ATRNL1: variants seen among roughly 807,000 people sequenced by gnomAD.
ATRNL1 encodes the protein attractin-like protein 1.
ATRNL1 carries 95 observed loss-of-function variants against 182.7 expected under a neutral mutation model. That is an observed-to-expected ratio of 0.52 (90% CI 0.44 to 0.62). The LOEUF is 0.62. ATRNL1 is among the 20% of genes least tolerant of loss of function. ATRNL1 has a pLI of 0.00. For missense variants in ATRNL1, 1,471 were observed against 1,679.5 expected, an observed-to-expected ratio of 0.88 and a Z score of 2.17; for synonymous variants, 576 against 568.3, an observed-to-expected ratio of 1.01 and a Z score of -0.19.
chr10:115,296,065 A>C (rs550319858), intron 15 of ATRNL1, among the ~76,000 whole-genome samples: 2 of 152,242 alleles, frequency 1.3e-5, no homozygotes, highest in Admixed American at 6.5e-5. Context: ...GCAGCTTCTA[A>C]ACTGGGCTCA....
chr10:115,186,126 AAAC>A (rs1554888687), intron 8 of ATRNL1, among the ~76,000 whole-genome samples: 7 of 151,988 alleles, frequency 4.6e-5, no homozygotes, highest in Non-Finnish European at 8.8e-5. Flanking sequence ...CAAAATGTAT[AAAC>A]AACAACTTAA....
intron 13 of ATRNL1, among the ~76,000 whole-genome samples, chr10:115,269,933 T>C (rs116724545): frequency 0.012 from 1,779 of 152,170 alleles, 34 homozygotes; most frequent in African/African-American, 0.039. Flanking sequence ...ACTGACTCAT[T>C]AGATTGAACC....
intron 24 of ATRNL1, among the ~76,000 whole-genome samples, chr10:115,491,692 G>A (rs1849307501): frequency 6.6e-6 from 1 of 152,152 alleles, no homozygotes; most frequent in South Asian, 2.1e-4. Flanking sequence ...GTCTGTCCGG[G>A]TAGGACCAGC....
At chr10:115,676,264 CAAAA>C (rs1294001231) in intron 26 of ATRNL1, among the ~76,000 whole-genome samples, 2 of 151,796 alleles carry the variant, frequency 1.3e-5, no homozygotes, top group Non-Finnish European at 2.9e-5. Flanking sequence ...CTGGAGAAAA[CAAAA>C]AGAACTTTCA....
intron 27 of ATRNL1, among the ~76,000 whole-genome samples, chr10:115,804,041 A>G (rs1412354347): frequency 1.3e-5 from 2 of 152,226 alleles, no homozygotes; most frequent in Non-Finnish European, 2.9e-5. Flanking sequence ...AGAATGTCAC[A>G]TAATTATCTT....
At chr10:115,822,838 A>T (rs1257128603) in intron 27 of ATRNL1, among the ~76,000 whole-genome samples, 1 of 152,194 alleles carries the variant, frequency 6.6e-6, no homozygotes, top group African/African-American at 2.4e-5. Flanking sequence ...TCACAGCCGA[A>T]TTCTACCAGA....
At chr10:115,259,488 G>C (rs1292257458) in intron 10 of ATRNL1, among the ~76,000 whole-genome samples, 1 of 152,156 alleles carries the variant, frequency 6.6e-6, no homozygotes, top group Non-Finnish European at 1.5e-5. Context: ...GCAGTATTTG[G>C]GTGGGAGTGT....
intron 8 of ATRNL1, among the ~76,000 whole-genome samples, chr10:115,199,848 G>T (rs967167012): frequency 6.6e-6 from 1 of 152,098 alleles, no homozygotes; most frequent in Non-Finnish European, 1.5e-5. Flanking sequence ...ATGTTTGAAT[G>T]CTTCTATTCA....
chr10:115,113,446 G>C (rs370335148), intron 1 of ATRNL1, among the ~76,000 whole-genome samples: 2 of 152,286 alleles, frequency 1.3e-5, no homozygotes, highest in East Asian at 3.9e-4. Context: ...TGGTTTGGCT[G>C]TGTCCCCACC....
intron 21 of ATRNL1, among the ~76,000 whole-genome samples, chr10:115,453,773 AACATCAC>A (rs1847388389): frequency 7.1e-6 from 1 of 141,590 alleles, no homozygotes; most frequent in Non-Finnish European, 1.5e-5. Context: ...CAGGAAGGGG[AACATCAC>A]ACTCTGGGGA....
chr10:115,328,445 C>T (rs1474366548), intron 18 of ATRNL1, among the ~76,000 whole-genome samples: 2 of 152,070 alleles, frequency 1.3e-5, no homozygotes, highest in African/African-American at 4.8e-5. Context: ...CATTCAGAAT[C>T]CTCTCTTCTA....
At chr10:115,347,011 G>A (rs1305599313) in intron 19 of ATRNL1, among the ~76,000 whole-genome samples, 1 of 151,864 alleles carries the variant, frequency 6.6e-6, no homozygotes, top group Admixed American at 6.6e-5. Context: ...GGCTCTATTA[G>A]CTCCAAAATG....
At chr10:115,102,983 T>A (rs1843839654) in intron 1 of ATRNL1, among the ~76,000 whole-genome samples, 1 of 152,070 alleles carries the variant, frequency 6.6e-6, no homozygotes. Context: ...TTTCATTGAT[T>A]TTTTACAACA....
At chr10:115,356,889 C>T (rs1554942995) in intron 19 of ATRNL1, among the ~76,000 whole-genome samples, 1 of 151,874 alleles carries the variant, frequency 6.6e-6, no homozygotes, top group Non-Finnish European at 1.5e-5. Context: ...TTTTCAGGAA[C>T]AAGTGGACTA....
chr10:115,509,074 A>C (rs2133664756), intron 24 of ATRNL1, among the ~76,000 whole-genome samples: 1 of 152,162 alleles, frequency 6.6e-6, no homozygotes, highest in South Asian at 2.1e-4. Context: ...ACGGTCCTTA[A>C]GAATTATGCT....
intron 26 of ATRNL1, among the ~76,000 whole-genome samples, chr10:115,553,153 G>T (rs553568566): frequency 6.6e-6 from 1 of 151,316 alleles, no homozygotes; most frequent in South Asian, 2.1e-4. Context: ...GAAGATATTT[G>T]ATCATATATT....
intron 1 of ATRNL1, among the ~76,000 whole-genome samples, chr10:115,106,783 G>A (rs782057238): frequency 2.0e-5 from 3 of 152,274 alleles, no homozygotes; most frequent in East Asian, 3.9e-4. Flanking sequence ...GGAACTGTAA[G>A]TCTGGTTAAA....
At chr10:115,753,407 T>C (rs1364888802) in intron 27 of ATRNL1, among the ~76,000 whole-genome samples, 2 of 152,184 alleles carry the variant, frequency 1.3e-5, no homozygotes, top group South Asian at 2.1e-4. Flanking sequence ...CTACCACTTA[T>C]GAGTCAGAAC....
intron 28 of ATRNL1, among the ~76,000 whole-genome samples, chr10:115,854,470 A>G (rs1250407024): frequency 1.3e-5 from 2 of 152,132 alleles, no homozygotes; most frequent in African/African-American, 4.8e-5. Context: ...GCATTCCCCC[A>G]GGTCTGATCC....
Sources: allele counts gnomAD v4.1 joint callset (sites outside exome capture counted in the v4.1 genomes callset), GRCh38; gene constraint gnomAD v4.1.1; transcripts MANE v1.5; gene names NCBI Gene and HGNC (gene_info 2026-07-23, HGNC 2026-07-21).